COL4A1: variants seen among roughly 807,000 people sequenced by gnomAD.
The protein encoded by COL4A1 is collagen alpha-1(IV) chain.
COL4A1 carries 40 observed loss-of-function variants against 216.6 expected under a neutral mutation model. That is an observed-to-expected ratio of 0.18 (90% CI 0.14 to 0.24). The LOEUF (loss-of-function observed/expected upper bound fraction) is 0.24. Ranked by LOEUF, COL4A1 falls within the 10% of genes least tolerant of loss-of-function variation. COL4A1 has a pLI of 1.00. For synonymous variants in COL4A1, 839 were observed against 810.7 expected (o/e 1.03, Z -0.59); for missense variants, 1,628 against 2,196.8 (o/e 0.74, Z 5.18).
At position 110,209,385 on chromosome 13, in the gene COL4A1, C is replaced by T; in HGVS notation, c.651+7G>A. 6.2e-7 allele frequency: 1 copy of T among 1,611,614 alleles called. No individual in the cohort carries two copies. Among genetic ancestry groups the T allele is most frequent in the Middle Eastern group, 1.7e-4 (1 of 6,050 alleles). ...GCCAAAGAACAAAAAATGAAAAGAA[C>T]TTTTACCTTTTCACCTGGAGGGCCG... On this transcript the variant is annotated splice_region_variant and intron_variant, in intron 11 of 51. Coordinates refer to ENST00000375820, the MANE Select transcript of COL4A1 (RefSeq NM_001845.6).
rs182704276 is a variant in COL4A1, at chr13:110,203,521, C to T, written c.999+45G>A. 269 of 1,608,320 alleles carry T rather than the reference C, an allele frequency of 1.7e-4. No individual in the cohort carries two copies. In the African/African-American group the frequency reaches 3.2e-3, roughly 19 times the overall value. On this transcript the variant is annotated intron_variant, in intron 18 of 51. Transcript: ENST00000375820. ...TCACAGACCCAGGGTCCTCTCCTTC[C>T]TCCCCCAGCGCTCTCACAGACCCAG...
intron 1 of COL4A1, among the ~76,000 whole-genome samples, chr13:110,253,732 T>C (rs1882366775): frequency 7.1e-6 from 1 of 140,750 alleles, no homozygotes; most frequent in Admixed American, 7.0e-5. Context: ...TAATTATACG[T>C]ATGTATGTAT....
chr13:110,213,877 T>A, intron 3 of COL4A1, 49 bp downstream of exon 3: 3 of 1,611,562 alleles, frequency 1.9e-6, no homozygotes, highest in Non-Finnish European at 2.5e-6. Context: ...ATCTCAAGAA[T>A]GCGGGCAATC....
chr13:110,181,402 G>T lies in COL4A1; in HGVS notation c.2096-13C>A. 1.3e-6 allele frequency: 2 copies of T among 1,572,724 alleles called. No homozygotes were observed. Among genetic ancestry groups the T allele is most frequent in the Non-Finnish European group, 1.7e-6 (2 of 1,146,712 alleles). ...AAGCCGTCAACACCTGTTTTAAAGA[G>T]TCAAAAAAAAAAAACAAACAAACAA... On this transcript the variant is annotated splice_polypyrimidine_tract_variant and intron_variant, in intron 28 of 51. Coordinates refer to ENST00000375820, the MANE Select transcript of COL4A1 (RefSeq NM_001845.6).
chr13:110,219,864 G>GTATATATGTGTATATATATGTATATA (rs1330561109), intron 2 of COL4A1, among the ~76,000 whole-genome samples: 2 of 52,986 alleles, frequency 3.8e-5, no homozygotes, highest in Non-Finnish European at 3.6e-5. Context: ...ATGTATATAT[G>GTATATATGTGTATATATATGTATATA]TGTGTGTATA....
At chr13:110,240,848 A>T (rs937628521) in intron 2 of COL4A1, among the ~76,000 whole-genome samples, 1 of 151,852 alleles carries the variant, frequency 6.6e-6, no homozygotes. Context: ...AAATTACGTT[A>T]AAAAAGTTAC....
At chr13:110,197,217 C>G (rs1255173938) in intron 21 of COL4A1, among the ~76,000 whole-genome samples, 1 of 128,920 alleles carries the variant, frequency 7.8e-6, no homozygotes, top group Non-Finnish European at 1.6e-5. Context: ...GCCCACCCCC[C>G]ACCCCAGAAC....
intron 20 of COL4A1, 134 bp from the exon 21 acceptor site, chr13:110,198,765 G>A (rs979246639): frequency 1.8e-5 from 20 of 1,137,938 alleles, no homozygotes; most frequent in Admixed American, 5.9e-5. Context: ...CTTTAGACAT[G>A]TAAAACCAAA....
In COL4A1 at chr13:110,178,241, G is replaced by C; in HGVS notation, c.2459-10C>G. The C allele has an allele frequency of 6.2e-7, 1 of 1,613,556 alleles. No individual in the cohort carries two copies. The highest frequency in any genetic ancestry group is 8.5e-7 in the Non-Finnish European group (1 of 1,180,012). ...TTTATTCCAGGAGGGCCTGCAGTTG[G>C]GTGAAACACAAATAACTTTTAGCAG... On this transcript the variant is annotated splice_polypyrimidine_tract_variant and intron_variant, in intron 31 of 51. Transcript: ENST00000375820.
In COL4A1 at chr13:110,182,999, G is replaced by A. The variant is rs1395505056; in HGVS notation, c.2089C>T (p.Pro697Ser). 6.2e-7 allele frequency: 1 copy of A among 1,612,286 alleles called. No homozygotes were observed. The highest frequency in any genetic ancestry group is 8.5e-7 in the Non-Finnish European group (1 of 1,179,574). The part of the protein sequence containing the change: ...PGIGFPGPPG[P>S]KGVDGLPGDM... Reference sequence around the variant, plus strand: ...GTCCGTCTGGCAGGGTTACCTTTGGGGCCGGGGGGCCCTGGAAATCCAATG... The same window carrying A: ...GTCCGTCTGGCAGGGTTACCTTTGGAGCCGGGGGGCCCTGGAAATCCAATG... The change falls in exon 28 of 52, where the codon CCC (proline) becomes TCC (serine). Residue 697 changes from proline (P) to serine (S), a missense_variant. By Grantham distance (74) the Pro-to-Ser change is moderately conservative (BLOSUM62 -1). Coordinates refer to ENST00000375820, the MANE Select transcript of COL4A1 (RefSeq NM_001845.6).
At chr13:110,237,916 C>T (rs1211647489) in intron 2 of COL4A1, among the ~76,000 whole-genome samples, 1 of 152,250 alleles carries the variant, frequency 6.6e-6, no homozygotes, top group African/African-American at 2.4e-5. Flanking sequence ...ACATTAAACT[C>T]TTCCCAGATT....
chr13:110,213,116 G>C lies in COL4A1; in HGVS notation c.280-498C>G, dbSNP rs76908914. On this transcript the variant is annotated intron_variant, in intron 4 of 51. Coordinates refer to ENST00000375820, the MANE Select transcript of COL4A1 (RefSeq NM_001845.6). ...ATACAATGGACTTCGGGACTCAGGTGGGGGGAAGGCTGGAAGGAGGTGAGG... is the reference window on the plus strand; with the variant it reads ...ATACAATGGACTTCGGGACTCAGGTCGGGGGAAGGCTGGAAGGAGGTGAGG... Among the ~76,000 whole-genome samples, 415 of 152,196 alleles carry C rather than the reference G, an allele frequency of 2.7e-3. 3 individuals carry two copies. Among genetic ancestry groups the C allele is most frequent in the African/African-American group, 8.7e-3 (360 of 41,524 alleles).
At position 110,150,393 on chromosome 13, in the gene COL4A1, G is replaced by A; in HGVS notation, c.4980C>T (p.Ser1660=). ...TTCTTCTCATACAGACTTGGCAGCG[G>A]CTGACGTGCGTGCGCAGCTCCCCTG... is the stretch of plus-strand genomic sequence containing the variant. ...LKAGELRTHV[S]RCQVCMRRT is the part of the protein sequence containing the mutation. The change falls in exon 52 of 52, where the codon AGC becomes AGT. Residue 1660 remains serine (S), a synonymous_variant. Coordinates refer to ENST00000375820, the MANE Select transcript of COL4A1 (RefSeq NM_001845.6). 6.2e-7 allele frequency: 1 copy of A among 1,613,984 alleles called. No homozygotes were observed. Among genetic ancestry groups the A allele is most frequent in the Non-Finnish European group, 8.5e-7 (1 of 1,179,986 alleles).
intron 39 of COL4A1, 144 bp from the exon 40 acceptor site, chr13:110,174,142 CCCT>C: frequency 1.0e-6 from 1 of 961,582 alleles, no homozygotes; most frequent in Non-Finnish European, 1.6e-6. Context: ...GTTCTGACTT[CCCT>C]TCAGAAAGGA....
In COL4A1 at chr13:110,211,048, G is replaced by A. The variant is rs895042834; in HGVS notation, c.468+599C>T. Among the ~76,000 whole-genome samples the A allele has an allele frequency of 6.6e-6, 1 of 152,176 alleles. No individual in the cohort carries two copies. Among genetic ancestry groups the A allele is most frequent in the African/African-American group, 2.4e-5 (1 of 41,444 alleles). On this transcript the variant is annotated intron_variant, in intron 8 of 51. Transcript: ENST00000375820. This position sits in a 1 kb window ranked among gnomAD's most constrained non-coding sequence, Gnocchi z 4.3. ...GCATGCTAACACACAGGGCTATTATGAGGATCTATTTCCTACGTGTTCTGA... is the reference window on the plus strand; with the variant it reads ...GCATGCTAACACACAGGGCTATTATAAGGATCTATTTCCTACGTGTTCTGA...
At chr13:110,185,086 G>A (rs1878341159) in intron 26 of COL4A1, among the ~76,000 whole-genome samples, 1 of 152,244 alleles carries the variant, frequency 6.6e-6, no homozygotes, top group South Asian at 2.1e-4. Context: ...ACGGCATGCT[G>A]TAATTGCTCC....
intron 25 of COL4A1, 86 bp from the exon 26 acceptor site, chr13:110,186,639 A>G (rs935015307): frequency 6.5e-6 from 10 of 1,528,902 alleles, no homozygotes; most frequent in Admixed American, 3.8e-5. Flanking sequence ...TTTGTGGTCA[A>G]TAAGTACTAG....
intron 24 of COL4A1, among the ~76,000 whole-genome samples, chr13:110,190,277 A>C (rs897108532): frequency 1.5e-4 from 23 of 152,112 alleles, no homozygotes; most frequent in Non-Finnish European, 7.4e-5. Context: ...CCCTGAAAAT[A>C]AATGCTGAGG....
At chr13:110,180,884 C>A (rs1468720316) in intron 29 of COL4A1, among the ~76,000 whole-genome samples, 3 of 152,194 alleles carry the variant, frequency 2.0e-5, no homozygotes, top group Non-Finnish European at 2.9e-5. Flanking sequence ...TGGCCCCCCA[C>A]AGAAAAGAGC....
Sources: allele counts gnomAD v4.1 joint callset (sites outside exome capture counted in the v4.1 genomes callset), GRCh38; gene constraint gnomAD v4.1.1; non-coding constraint Gnocchi (gnomAD v3.1); transcripts MANE v1.5; gene names NCBI Gene and HGNC (gene_info 2026-07-23, HGNC 2026-07-21).